The following FAM180A variants were observed in gnomAD, a reference collection of about 807,000 sequenced individuals.
The protein encoded by FAM180A is protein FAM180A.
A neutral mutation model predicts 15.3 loss-of-function variants in FAM180A; 14 were observed. The ratio of observed to expected loss-of-function variants is 0.92; its 90% CI spans 0.61 to 1.43. The LOEUF (loss-of-function observed/expected upper bound fraction) is 1.43. Ranked by LOEUF, FAM180A falls within the 40% of genes most tolerant of loss-of-function variation. The probability of loss-of-function intolerance (pLI) is 0.00; values close to 1 mark genes in which losing one functional copy is unlikely to be tolerated. For synonymous variants in FAM180A, 90 were observed against 96.8 expected (o/e 0.93, Z 0.41); for missense variants, 200 against 220.8 (o/e 0.91, Z 0.60).
At chr7:135,744,621 G>T (rs185740941) in intron 1 of FAM180A, among the ~76,000 whole-genome samples, 39 of 152,318 alleles carry the variant, frequency 2.6e-4, no homozygotes, top group African/African-American at 6.3e-4. Context: ...CACCATGTAG[G>T]GGGGAGCTTG....
rs751211159 is a variant in FAM180A at position 135,737,176 on chromosome 7, G to A, written c.100C>T (p.Arg34Trp). The A allele has an allele frequency of 1.1e-5, 18 of 1,606,936 alleles. No homozygotes were observed. In the South Asian group the frequency reaches 1.3e-4, roughly 12 times the overall value. Residue 34 changes from arginine (R) to tryptophan (W), a missense_variant, in exon 2 of 4, where the codon CGG becomes TGG. Coordinates refer to ENST00000338588, the MANE Select transcript of FAM180A (RefSeq NM_205855.4). The part of the protein sequence containing the change: ...SRAVLFPAAH[R>W]PKRSSSLPLN... ...GGCAGTGATGAGGACCTCTTTGGCC[G>A]GTGGGCGGCAGGGAAGAGCACAGCT...
intron 3 of FAM180A, among the ~76,000 whole-genome samples, chr7:135,732,705 A>T (rs1211479369): frequency 3.2e-5 from 2 of 61,540 alleles, no homozygotes; most frequent in Non-Finnish European, 6.9e-5. Flanking sequence ...ACACACACAC[A>T]CACACACACA....
chr7:135,736,984 A>G lies in FAM180A; in HGVS notation c.177+115T>C. The stretch of plus-strand genomic sequence containing the variant: ...TACAAATTAGGCTATTCCCTACCAC[A>G]GCAGGGGTCACTCATGGTCAGGGGC... On this transcript the variant is annotated intron_variant, in intron 2 of 3. Coordinates refer to ENST00000338588, the MANE Select transcript of FAM180A (RefSeq NM_205855.4). 5.1e-6 allele frequency: 4 copies of G among 782,160 alleles called. No individual in the cohort carries two copies. The Admixed American group carries it at 8.1e-5, about 16-fold the overall frequency. The allele number at this position is 782,160 out of a possible 1,614,324, so 48.5% of individuals were successfully genotyped here. A position where few individuals can be genotyped will look rare whatever the true frequency, so the allele number is the denominator to read the frequency against.
Position 135,734,198 on chromosome 7 carries a change from C to A in FAM180A, c.299G>T (p.Ser100Ile). ...RTVCNNVIPK[S>I]IPDIRRLSAS... Reference sequence around the variant, plus strand: ...GCTGAGCCGGCGGATGTCTGGGATGCTCTTGGGGATGACGTTGTTGCAGAC... The same window carrying A: ...GCTGAGCCGGCGGATGTCTGGGATGATCTTGGGGATGACGTTGTTGCAGAC... The change falls in exon 3 of 4, where the codon AGC becomes ATC. Residue 100 changes from serine to isoleucine, a missense_variant. Ser to Ile is a moderately radical substitution (Grantham distance 142). Transcript: ENST00000338588. 1 of 1,614,218 alleles carries A rather than the reference C, an allele frequency of 6.2e-7. No homozygotes were observed. Among genetic ancestry groups the A allele is most frequent in the Non-Finnish European group, 8.5e-7 (1 of 1,180,042 alleles).
At chr7:135,747,146 A>G (rs527612303) in intron 1 of FAM180A, among the ~76,000 whole-genome samples, 1 of 152,284 alleles carries the variant, frequency 6.6e-6, no homozygotes, top group East Asian at 1.9e-4. Flanking sequence ...AGTAACTAAA[A>G]GGGTATCACT....
chr7:135,747,184 G>A (rs1797042712), intron 1 of FAM180A, among the ~76,000 whole-genome samples: 2 of 152,154 alleles, frequency 1.3e-5, no homozygotes, highest in African/African-American at 4.8e-5. Context: ...AAGGCTAAAT[G>A]CTTGAGGGGA....
At chr7:135,731,469 A>G (rs1343939229) in intron 3 of FAM180A, among the ~76,000 whole-genome samples, 1 of 151,970 alleles carries the variant, frequency 6.6e-6, no homozygotes, top group Non-Finnish European at 1.5e-5. Flanking sequence ...TTGGAGATGC[A>G]TCAAAAAACA....
At chr7:135,742,250 T>A (rs1449963799) in intron 1 of FAM180A, among the ~76,000 whole-genome samples, 1 of 152,222 alleles carries the variant, frequency 6.6e-6, no homozygotes, top group Non-Finnish European at 1.5e-5. Flanking sequence ...TAGCTCTATC[T>A]GATCAATGTC....
chr7:135,737,586 C>CAAAAAAAAAAAAA (rs35378393), intron 1 of FAM180A, among the ~76,000 whole-genome samples: 1 of 82,384 alleles, frequency 1.2e-5, no homozygotes, highest in Non-Finnish European at 2.3e-5. Flanking sequence ...GACTCCATGT[C>CAAAAAAAAAAAAA]AAAAAAAAAA....
Position 135,741,796 on chromosome 7 carries a change from C to A in FAM180A, c.77-4597G>T, listed in dbSNP as rs1165533662. Among the ~76,000 whole-genome samples the A allele has an allele frequency of 2.0e-5, 3 of 149,950 alleles. No homozygotes were observed. The East Asian group carries it at 5.8e-4, about 29-fold the overall frequency. ...CTGTGATCAGCCACTGTACTCTAGCCTGGGCGATAGAGTGAGACCCTGTCT... is the reference window on the plus strand; with the variant it reads ...CTGTGATCAGCCACTGTACTCTAGCATGGGCGATAGAGTGAGACCCTGTCT... On this transcript the variant is annotated intron_variant, in intron 1 of 3. Coordinates refer to ENST00000338588, the MANE Select transcript of FAM180A (RefSeq NM_205855.4).
chr7:135,741,487 G>C (rs941886393), intron 1 of FAM180A, among the ~76,000 whole-genome samples: 6 of 147,490 alleles, frequency 4.1e-5, no homozygotes, highest in Non-Finnish European at 5.9e-5. Flanking sequence ...CTTCACTCCA[G>C]CCTGGGTGAC....
intron 1 of FAM180A, among the ~76,000 whole-genome samples, chr7:135,742,494 C>T (rs964026236): frequency 6.6e-6 from 1 of 152,178 alleles, no homozygotes; most frequent in African/African-American, 2.4e-5. Context: ...GTTGGCTGCC[C>T]AGGCTGGCCG....
chr7:135,740,578 C>T (rs1043359863), intron 1 of FAM180A, among the ~76,000 whole-genome samples: 6 of 152,142 alleles, frequency 3.9e-5, no homozygotes, highest in African/African-American at 1.4e-4. Context: ...CAGTTGGCAG[C>T]CAGATCTGTG....
rs775240480 is a variant in FAM180A, at chr7:135,734,039, A to T, written c.458T>A (p.Val153Asp). 59 of 1,614,096 alleles carry T rather than the reference A, an allele frequency of 3.7e-5. No individual in the cohort carries two copies. The highest frequency in any genetic ancestry group is 1.1e-5 in the Non-Finnish European group (13 of 1,180,038). The part of the protein sequence containing the change: ...HQKDIWAQSL[V>D]SLFQALRHDL... ...GTGCCTCAGGGCCTGGAAGAGGCTAACGAGGGACTGCGCCCAGATGTCCTT... is the reference window on the plus strand; with the variant it reads ...GTGCCTCAGGGCCTGGAAGAGGCTATCGAGGGACTGCGCCCAGATGTCCTT... Residue 153 changes from valine to aspartate, a missense_variant, in exon 3 of 4, where the codon GTT (valine) becomes GAT (aspartate). Coordinates refer to ENST00000338588, the MANE Select transcript of FAM180A (RefSeq NM_205855.4).
rs564627476 is a variant in FAM180A at position 135,739,831 on chromosome 7, C to T, written c.77-2632G>A. Among the ~76,000 whole-genome samples the T allele has an allele frequency of 3.9e-5, 6 of 152,082 alleles. No individual in the cohort carries two copies. The South Asian group carries it at 1.2e-3, about 32-fold the overall frequency. ...TCAGTAACTTATTTATGATCGATACCACAAGTTCCTCAAGGGCTTTGATAC... is the reference window on the plus strand; with the variant it reads ...TCAGTAACTTATTTATGATCGATACTACAAGTTCCTCAAGGGCTTTGATAC... On this transcript the variant is annotated intron_variant, in intron 1 of 3. Coordinates refer to ENST00000338588, the MANE Select transcript of FAM180A (RefSeq NM_205855.4).
intron 1 of FAM180A, among the ~76,000 whole-genome samples, chr7:135,743,614 C>T (rs948793038): frequency 2.0e-5 from 3 of 152,164 alleles, no homozygotes; most frequent in African/African-American, 7.2e-5. Context: ...GAGAGAAATG[C>T]TCTTTGTGAT....
At chr7:135,745,249 A>T (rs945269801) in intron 1 of FAM180A, among the ~76,000 whole-genome samples, 1 of 152,176 alleles carries the variant, frequency 6.6e-6, no homozygotes, top group Admixed American at 6.5e-5. Flanking sequence ...GACACCTGAA[A>T]ATGACATAAG....
At chr7:135,737,897 T>G (rs916381761) in intron 1 of FAM180A, among the ~76,000 whole-genome samples, 6 of 152,018 alleles carry the variant, frequency 3.9e-5, no homozygotes, top group Non-Finnish European at 5.9e-5. Context: ...TAGAAATGAG[T>G]GAAAACAAAA....
intron 1 of FAM180A, among the ~76,000 whole-genome samples, chr7:135,738,990 G>T (rs555260268): frequency 4.2e-4 from 64 of 152,258 alleles, no homozygotes; most frequent in Non-Finnish European, 7.9e-4. Flanking sequence ...ATTGAGAAAA[G>T]GTCAAATTAT....
Sources: gnomAD v4.1 joint callset for allele counts (sites outside exome capture counted in the v4.1 genomes callset) on GRCh38, gnomAD v4.1.1 for gene constraint, MANE v1.5 for transcripts, NCBI Gene and HGNC (gene_info 2026-07-23, HGNC 2026-07-21) for gene names.